Variants in SNTG2 observed in about 807,000 individuals in gnomAD.
SNTG2 encodes the protein gamma-2-syntrophin.
In SNTG2, 74 loss-of-function variants were observed where a neutral mutation model predicts 70.9. That is an observed-to-expected ratio of 1.04 (90% CI 0.86 to 1.27). The LOEUF (loss-of-function observed/expected upper bound fraction) is 1.27. Ranked by LOEUF, SNTG2 falls within the 50% of genes most tolerant of loss-of-function variation. SNTG2 has a pLI of 0.00. For synonymous variants in SNTG2, 278 were observed against 273.8 expected (o/e 1.02, Z -0.15); for missense variants, 717 against 690.7 (o/e 1.04, Z -0.43).
chr2:1,278,646 CAAGAA>C (rs1270435948), intron 14 of SNTG2, among the ~76,000 whole-genome samples: 1 of 152,138 alleles, frequency 6.6e-6, no homozygotes, highest in Non-Finnish European at 1.5e-5. Context: ...CAGTGGTAGT[CAAGAA>C]AAGAAATACC....
At chr2:1,133,574 T>G (rs1668163622) in intron 4 of SNTG2, among the ~76,000 whole-genome samples, 1 of 152,234 alleles carries the variant, frequency 6.6e-6, no homozygotes, top group Non-Finnish European at 1.5e-5. Context: ...GAATCACTTT[T>G]CAGCTAAAAT....
chr2:1,072,187 C>T (rs1346201966), intron 1 of SNTG2, among the ~76,000 whole-genome samples: 1 of 152,034 alleles, frequency 6.6e-6, no homozygotes, highest in Non-Finnish European at 1.5e-5. Flanking sequence ...GAAGAAGACG[C>T]CATCCAGGAC....
chr2:1,025,073 A>G (rs904679038), intron 1 of SNTG2, among the ~76,000 whole-genome samples: 2 of 152,208 alleles, frequency 1.3e-5, no homozygotes, highest in Non-Finnish European at 2.9e-5. Flanking sequence ...AAATCAAACT[A>G]TGTTCCCCAC....
At chr2:1,367,249 C>A in intron 16 of SNTG2, 94 bp from the exon 17 acceptor site, 2 of 1,230,650 alleles carry the variant, frequency 1.6e-6, no homozygotes, top group South Asian at 3.5e-5. Flanking sequence ...GAGGGACTTT[C>A]TTGGAGTTCA....
At chr2:1,003,127 T>G (rs922693986) in intron 1 of SNTG2, among the ~76,000 whole-genome samples, 2 of 152,012 alleles carry the variant, frequency 1.3e-5, no homozygotes, top group African/African-American at 4.8e-5. Flanking sequence ...GATGAGAAAT[T>G]ACCTCATGGG....
chr2:1,201,094 C>T (rs1010991846), intron 8 of SNTG2, among the ~76,000 whole-genome samples: 2 of 151,946 alleles, frequency 1.3e-5, no homozygotes, highest in African/African-American at 4.8e-5. Context: ...GATACCTGTA[C>T]CCACATGTTT....
chr2:1,221,809 C>CTG (rs1183568209), intron 9 of SNTG2, among the ~76,000 whole-genome samples: 1 of 6,364 alleles, frequency 1.6e-4, no homozygotes, highest in Non-Finnish European at 2.7e-4. Flanking sequence ...CTCTGTCTCT[C>CTG]TCTCGGTCTC....
chr2:1,306,655 C>T (rs985165881), intron 14 of SNTG2, among the ~76,000 whole-genome samples: 2 of 151,266 alleles, frequency 1.3e-5, no homozygotes, highest in African/African-American at 2.4e-5. Flanking sequence ...TGAGACCTGA[C>T]TGGCTCCAGC....
At chr2:1,281,478 T>C (rs1177738512) in intron 14 of SNTG2, among the ~76,000 whole-genome samples, 1 of 151,616 alleles carries the variant, frequency 6.6e-6, no homozygotes, top group Non-Finnish European at 1.5e-5. Flanking sequence ...GTGTTTATGG[T>C]GTATATGGTG....
At chr2:972,075 G>A (rs949915370) in intron 1 of SNTG2, among the ~76,000 whole-genome samples, 1 of 152,044 alleles carries the variant, frequency 6.6e-6, no homozygotes, top group African/African-American at 2.4e-5. Context: ...GTTGATTTTA[G>A]AGTTTCTAAT....
At chr2:1,267,680 G>A in intron 14 of SNTG2, 109 bp downstream of exon 14, 5 of 1,023,844 alleles carry the variant, frequency 4.9e-6, no homozygotes, top group South Asian at 1.5e-5. Context: ...TCTTCAGAAG[G>A]TGAGAATCTT....
intron 1 of SNTG2, among the ~76,000 whole-genome samples, chr2:1,048,385 A>G (rs1309523512): frequency 2.0e-5 from 3 of 152,212 alleles, no homozygotes; most frequent in Non-Finnish European, 4.4e-5. Context: ...TTAGTGAATG[A>G]CTTGTAACTT....
intron 16 of SNTG2, among the ~76,000 whole-genome samples, chr2:1,347,463 T>C (rs1437397712): frequency 6.6e-6 from 1 of 152,132 alleles, no homozygotes; most frequent in Non-Finnish European, 1.5e-5. Context: ...GCAAAATTGG[T>C]TTTGAAAGCA....
chr2:1,365,830 G>A (rs4321409), intron 16 of SNTG2, among the ~76,000 whole-genome samples: 109,751 of 152,054 alleles, frequency 0.72, 39,912 homozygotes, highest in East Asian at 0.94. Context: ...GAAGTTTGAA[G>A]TCATTTTTGA....
intron 8 of SNTG2, among the ~76,000 whole-genome samples, chr2:1,174,448 G>T (rs1346493715): frequency 2.0e-5 from 3 of 152,040 alleles, no homozygotes; most frequent in Non-Finnish European, 4.4e-5. Flanking sequence ...ATTGTCAGTT[G>T]CCTGTGGACA....
At chr2:1,182,541 A>T (rs924931208) in intron 8 of SNTG2, among the ~76,000 whole-genome samples, 1 of 152,190 alleles carries the variant, frequency 6.6e-6, no homozygotes, top group Non-Finnish European at 1.5e-5. Context: ...ATAAAAATAA[A>T]TAAATAAAGT....
chr2:1,336,741 C>A (rs2148290444), intron 16 of SNTG2, among the ~76,000 whole-genome samples: 1 of 152,206 alleles, frequency 6.6e-6, no homozygotes, highest in African/African-American at 2.4e-5. Flanking sequence ...TGTGTTCTTG[C>A]CACCCTTGTA....
intron 8 of SNTG2, among the ~76,000 whole-genome samples, chr2:1,178,411 C>T (rs1671627105): frequency 6.6e-6 from 1 of 152,106 alleles, no homozygotes; most frequent in African/African-American, 2.4e-5. Context: ...CCAGTTTTTG[C>T]CCATTCAGTA....
intron 4 of SNTG2, among the ~76,000 whole-genome samples, chr2:1,128,607 C>T (rs1054898317): frequency 3.3e-5 from 5 of 152,158 alleles, no homozygotes; most frequent in Non-Finnish European, 7.3e-5. Flanking sequence ...TCTGGTCTCC[C>T]TGCTTCTCTC....
Sources: allele counts gnomAD v4.1 joint callset (sites outside exome capture counted in the v4.1 genomes callset), GRCh38; gene constraint gnomAD v4.1.1; transcripts MANE v1.5; gene names NCBI Gene and HGNC (gene_info 2026-07-23, HGNC 2026-07-21).